TMEM135: variants seen among roughly 807,000 people sequenced by gnomAD.
TMEM135 encodes the protein peroxisomal membrane protein 52.
In TMEM135, 30 loss-of-function variants were observed where a neutral mutation model predicts 60.3. That is an observed-to-expected ratio of 0.50 (90% CI 0.37 to 0.68). The LOEUF (loss-of-function observed/expected upper bound fraction) is 0.68, where lower values mean the gene tolerates loss of function less well. Ranked by LOEUF, TMEM135 falls within the 30% of genes least tolerant of loss-of-function variation. The pLI, the probability that TMEM135 is intolerant of heterozygous loss-of-function variation, is 0.00. For missense variants in TMEM135, 468 were observed against 548.8 expected (o/e 0.85, Z 1.47); for synonymous variants, 190 against 186.7 (o/e 1.02, Z -0.14).
At chr11:87,183,549 A>C (rs886392156) in intron 5 of TMEM135, among the ~76,000 whole-genome samples, 7 of 152,192 alleles carry the variant, frequency 4.6e-5, no homozygotes, top group Non-Finnish European at 1.0e-4. Context: ...ATTTTCAAAA[A>C]GGACATTGCG....
At position 87,037,963 on chromosome 11, in the gene TMEM135, A is replaced by G. The variant is rs893561270; in HGVS notation, c.-83A>G. On this transcript the variant is annotated 5_prime_UTR_variant, in exon 1 of 15. Coordinates refer to ENST00000305494, the MANE Select transcript of TMEM135 (RefSeq NM_022918.4). ...CGCACCTCCGAGTGCTGGCCGGGCG[A>G]GAGGCTGGCGGCTGGGCTCTCGCGC... The G allele has an allele frequency of 7.5e-6, 12 of 1,597,538 alleles. No homozygotes were observed. Among genetic ancestry groups the G allele is most frequent in the Non-Finnish European group, 1.0e-5 (12 of 1,172,440 alleles).
chr11:87,076,597 G>T (rs1398840137), intron 3 of TMEM135, among the ~76,000 whole-genome samples: 2 of 152,214 alleles, frequency 1.3e-5, no homozygotes, highest in Non-Finnish European at 2.9e-5. Context: ...GCTTTTCTCA[G>T]ACAGAAGGAG....
chr11:87,171,465 T>C (rs1055336769), intron 5 of TMEM135, among the ~76,000 whole-genome samples: 1 of 152,116 alleles, frequency 6.6e-6, no homozygotes, highest in African/African-American at 2.4e-5. Flanking sequence ...TGTCCTATGC[T>C]AAGCCAGTAC....
intron 6 of TMEM135, among the ~76,000 whole-genome samples, chr11:87,254,969 A>T (rs1192407969): frequency 6.6e-6 from 1 of 152,208 alleles, no homozygotes; most frequent in Non-Finnish European, 1.5e-5. Flanking sequence ...GGGAGACCCC[A>T]TCCCTACAAA....
chr11:87,216,696 T>A (rs953014990), intron 5 of TMEM135, among the ~76,000 whole-genome samples: 1 of 152,224 alleles, frequency 6.6e-6, no homozygotes, highest in Non-Finnish European at 1.5e-5. Context: ...GTTTTGGATA[T>A]GTGATGTTAA....
intron 5 of TMEM135, among the ~76,000 whole-genome samples, chr11:87,190,803 C>T (rs939411145): frequency 1.3e-5 from 2 of 152,106 alleles, no homozygotes; most frequent in Admixed American, 6.6e-5. Flanking sequence ...AGATATTTCT[C>T]GATCTTACTA....
chr11:87,060,973 ATAAAATCATGCCCAT>A (rs1022028045), intron 1 of TMEM135, among the ~76,000 whole-genome samples: 1 of 152,130 alleles, frequency 6.6e-6, no homozygotes, highest in Non-Finnish European at 1.5e-5. Context: ...AATGGTGATA[ATAAAATCATGCCCAT>A]TAAAATCATG....
At chr11:87,130,634 G>T (rs144503334) in intron 4 of TMEM135, among the ~76,000 whole-genome samples, 1 of 152,078 alleles carries the variant, frequency 6.6e-6, no homozygotes, top group African/African-American at 2.4e-5. Context: ...GGGATGAGTA[G>T]CTGTTAAACC....
Position 87,327,358 on chromosome 11 carries a change from A to G in TMEM135, c.*6025A>G, listed in dbSNP as rs1334780063. 1 of 453,762 alleles carries G rather than the reference A, an allele frequency of 2.2e-6. No homozygotes were observed. The highest frequency in any genetic ancestry group is 4.4e-6 in the Non-Finnish European group (1 of 226,770). 28.1% of individuals were successfully genotyped at this position (453,762 alleles called of 1,614,324 possible). ...AAGTACAAACATGAAAAACCAGCATATTAAAGATGCCAGGTCAGAAAAATA... is the reference window on the plus strand; with the variant it reads ...AAGTACAAACATGAAAAACCAGCATGTTAAAGATGCCAGGTCAGAAAAATA... On this transcript the variant is annotated 3_prime_UTR_variant, in exon 15 of 15. Transcript: ENST00000305494.
Position 87,309,633 on chromosome 11 carries a change from G to A in TMEM135, c.897G>A (p.Gln299=). Residue 299 remains glutamine, a synonymous_variant, in exon 10 of 15, where the codon CAG becomes CAA. Transcript: ENST00000305494. ...LSLFYNKENF[Q]LGAFLGSFVS... ...TCTTCTACAATAAAGAAAACTTCCAGCTTGGAGCTTTTCTTGGCTCTTTTG... is the reference window on the plus strand; with the variant it reads ...TCTTCTACAATAAAGAAAACTTCCAACTTGGAGCTTTTCTTGGCTCTTTTG... 6.2e-7 allele frequency: 1 copy of A among 1,613,692 alleles called. No homozygotes were observed. Among genetic ancestry groups the A allele is most frequent in the Non-Finnish European group, 8.5e-7 (1 of 1,179,750 alleles).
intron 6 of TMEM135, among the ~76,000 whole-genome samples, chr11:87,258,194 CTTT>C (rs33923056): frequency 2.0e-5 from 3 of 148,594 alleles, no homozygotes; most frequent in Admixed American, 1.3e-4. Context: ...GGGGAAAAGC[CTTT>C]TTTTTTTTCA....
intron 6 of TMEM135, among the ~76,000 whole-genome samples, chr11:87,286,088 TA>T (rs1428351403): frequency 2.0e-5 from 3 of 152,164 alleles, no homozygotes; most frequent in Non-Finnish European, 4.4e-5. Context: ...AACCTTGAGC[TA>T]GACGCAGAAT....
At chr11:87,106,757 A>G (rs903283154) in intron 4 of TMEM135, among the ~76,000 whole-genome samples, 1 of 152,160 alleles carries the variant, frequency 6.6e-6, no homozygotes, top group Non-Finnish European at 1.5e-5. Context: ...CCATTATTGC[A>G]TTGCTATAAA....
chr11:87,134,493 T>C (rs1938035973), intron 4 of TMEM135, among the ~76,000 whole-genome samples: 1 of 152,208 alleles, frequency 6.6e-6, no homozygotes, highest in Non-Finnish European at 1.5e-5. Flanking sequence ...CGTTTAGTTT[T>C]GTTTTTAGAG....
chr11:87,256,845 C>T (rs2135397107), intron 6 of TMEM135, among the ~76,000 whole-genome samples: 1 of 152,126 alleles, frequency 6.6e-6, no homozygotes, highest in South Asian at 2.1e-4. Context: ...CCTCACTCTT[C>T]CTCTTTTCCT....
intron 4 of TMEM135, among the ~76,000 whole-genome samples, chr11:87,155,883 C>A (rs924973711): frequency 8.5e-5 from 13 of 152,148 alleles, no homozygotes; most frequent in African/African-American, 3.1e-4. Flanking sequence ...ACATCAGAGA[C>A]CCTATCTGTC....
rs922757087 is a variant in TMEM135 at position 87,245,282 on chromosome 11, A to G, written c.509+8598A>G. On this transcript the variant is annotated intron_variant, in intron 6 of 14. Transcript: ENST00000305494. ...AGCTTTACTTCCACGTATGTGGTCA[A>G]TTTTGGAATAGGTGTGGTGTGGTGC... Among the ~76,000 whole-genome samples the G allele has an allele frequency of 3.3e-5, 5 of 149,336 alleles. No homozygotes were observed. In the East Asian group the frequency reaches 5.8e-4, roughly 17 times the overall value.
At chr11:87,240,167 C>T (rs1941098286) in intron 6 of TMEM135, among the ~76,000 whole-genome samples, 1 of 152,020 alleles carries the variant, frequency 6.6e-6, no homozygotes, top group African/African-American at 2.4e-5. Context: ...TCTCTTGATA[C>T]CCATACATGC....
At chr11:87,113,511 A>G (rs892881850) in intron 4 of TMEM135, among the ~76,000 whole-genome samples, 7 of 152,028 alleles carry the variant, frequency 4.6e-5, no homozygotes, top group Non-Finnish European at 7.4e-5. Flanking sequence ...GATTTAGTTT[A>G]TTGTGTTGGT....
Sources: gnomAD v4.1 joint callset for allele counts (sites outside exome capture counted in the v4.1 genomes callset) on GRCh38, gnomAD v4.1.1 for gene constraint, MANE v1.5 for transcripts, NCBI Gene and HGNC (gene_info 2026-07-23, HGNC 2026-07-21) for gene names.